CER1: variants seen among roughly 807,000 people sequenced by gnomAD.
The protein encoded by CER1 is cerberus.
Under a neutral mutation model 11.8 loss-of-function variants are expected in CER1, and 10 were observed. That is an observed-to-expected ratio of 0.85 (90% CI 0.52 to 1.44). The LOEUF (loss-of-function observed/expected upper bound fraction) is 1.44, where lower values mean the gene tolerates loss of function less well. Among genes scored for constraint, CER1 ranks in the 40% most tolerant of loss-of-function variants. The pLI is 0.00. For synonymous variants in CER1, 141 were observed against 122.3 expected (o/e 1.15, Z -1.01); for missense variants, 431 against 327.0 (o/e 1.32, Z -2.45).
chr9:14,719,561 GCCTT>G (rs1229695964), downstream of CER1, among the ~76,000 whole-genome samples: 564 of 62,426 alleles, frequency 9.0e-3, 2 homozygotes, highest in Admixed American at 0.013. Flanking sequence ...CTGCCTGCCT[GCCTT>G]CCTTCCTTCC....
At chr9:14,718,366 C>T (rs1316102811), downstream of CER1, among the ~76,000 whole-genome samples, 2 of 152,114 alleles carry the variant, frequency 1.3e-5, no homozygotes, top group Non-Finnish European at 2.9e-5. Flanking sequence ...ATATATTGAC[C>T]AGCTGAGATA....
At chr9:14,718,448 G>C (rs765773486), downstream of CER1, among the ~76,000 whole-genome samples, 1 of 152,098 alleles carries the variant, frequency 6.6e-6, no homozygotes, top group Non-Finnish European at 1.5e-5. Flanking sequence ...CCACCAAAGG[G>C]TATGATAATA....
At chr9:14,718,760 AC>A, downstream of CER1, among the ~76,000 whole-genome samples, 1 of 152,284 alleles carries the variant, frequency 6.6e-6, no homozygotes. Context: ...GCAGTTCTGT[AC>A]CATATATGTG....
Position 14,722,566 on chromosome 9 carries a change from G to A in CER1, c.107C>T (p.Pro36Leu), listed in dbSNP as rs755427504. ...TGTGGGAAGCTCTCTTTGATTCCTT[G>A]GCAGGAGTACGGGGGAAAGAGAACT... ...NQSSLSPVLL[P>L]RNQRELPTGN... Residue 36 changes from proline (P) to leucine (L), a missense_variant, in exon 1 of 2, where the codon CCA becomes CTA. Physicochemically the swap from Pro to Leu is moderately conservative, Grantham distance 98. Coordinates refer to ENST00000380911, the MANE Select transcript of CER1 (RefSeq NM_005454.3). 8.7e-6 allele frequency: 14 copies of A among 1,613,838 alleles called. No individual in the cohort carries two copies. The South Asian group carries it at 1.4e-4, about 16-fold the overall frequency.
At chr9:14,717,944 A>G (rs1839958239), downstream of CER1, among the ~76,000 whole-genome samples, 1 of 152,220 alleles carries the variant, frequency 6.6e-6, no homozygotes, top group Admixed American at 6.5e-5. Flanking sequence ...TGTAAAAGAC[A>G]GCACAGTATC....
rs1179672698 is a variant in CER1, at chr9:14,722,442, C to A, written c.231G>T (p.Glu77Asp). The change falls in exon 1 of 2, where the codon GAG becomes GAT. Residue 77 changes from glutamate (E) to aspartate (D), a missense_variant. By Grantham distance (45) the Glu-to-Asp change is conservative (BLOSUM62 2). Coordinates refer to ENST00000380911, the MANE Select transcript of CER1 (RefSeq NM_005454.3). The part of the protein sequence containing the change: ...SPAGEGQRQR[E>D]KMLSRFGRFW... ...ACCTGCCAAATCTGGACAGCATCTTCTCTCTCTGCCTCTGGCCTTCCCCTG... is the reference window on the plus strand; with the variant it reads ...ACCTGCCAAATCTGGACAGCATCTTATCTCTCTGCCTCTGGCCTTCCCCTG... 1.2e-6 allele frequency: 2 copies of A among 1,614,110 alleles called. No homozygotes were observed. Among genetic ancestry groups the A allele is most frequent in the Admixed American group, 3.3e-5 (2 of 60,010 alleles).
chr9:14,718,296 T>C (rs1839961175), downstream of CER1, among the ~76,000 whole-genome samples: 1 of 152,212 alleles, frequency 6.6e-6, no homozygotes, highest in South Asian at 2.1e-4. Flanking sequence ...AGATAGGTTT[T>C]CATAATCAGG....
In CER1 at chr9:14,720,337, C is replaced by A. The variant is rs1217424534; in HGVS notation, c.557G>T (p.Cys186Phe). The A allele has an allele frequency of 6.2e-7, 1 of 1,613,874 alleles. No individual in the cohort carries two copies. Among genetic ancestry groups the A allele is most frequent in the Admixed American group, 1.7e-5 (1 of 60,030 alleles). Residue 186 changes from cysteine to phenylalanine, a missense_variant, in exon 2 of 2, where the codon TGC becomes TTC. Cys to Phe is a radical substitution (Grantham distance 205). Coordinates refer to ENST00000380911, the MANE Select transcript of CER1 (RefSeq NM_005454.3). ...ATGAACAGACCCGCATTTCCCAAAG[C>A]AAAGGTTGTTCTGAACAACTACTTT... ...CEKVVVQNNL[C>F]FGKCGSVHFP...
At chr9:14,719,549 GCCTGCCTGCCTGCCTT>G (rs1309143742), downstream of CER1, among the ~76,000 whole-genome samples, 52 of 78,346 alleles carry the variant, frequency 6.6e-4, no homozygotes, top group African/African-American at 1.7e-3. Context: ...CTGCCTGCCT[GCCTGCCTGCCTGCCTT>G]CCTTCCTTCC....
Position 14,720,032 on chromosome 9 carries a change from T to A in CER1, c.*58A>T. On this transcript the variant is annotated 3_prime_UTR_variant, in exon 2 of 2. Transcript: ENST00000380911. Reference sequence around the variant, plus strand: ...ACCCACTTAACATTTTCAGACTGAATAATCAGCATCTTTGCTGTTGTGGTT... The same window carrying A: ...ACCCACTTAACATTTTCAGACTGAAAAATCAGCATCTTTGCTGTTGTGGTT... 6.5e-7 allele frequency: 1 copy of A among 1,528,338 alleles called. No individual in the cohort carries two copies. Among genetic ancestry groups the A allele is most frequent in the Non-Finnish European group, 9.0e-7 (1 of 1,107,746 alleles). The allele number at this position is 1,528,338 out of a possible 1,614,324, so 94.7% of individuals were successfully genotyped here.
chr9:14,720,297 C>T lies in CER1; in HGVS notation c.597G>A (p.Ala199=), dbSNP rs527955982. 21 of 1,614,066 alleles carry T rather than the reference C, an allele frequency of 1.3e-5. No homozygotes were observed. In the East Asian group the frequency reaches 3.3e-4, roughly 26 times the overall value. Residue 199 remains alanine (A), a synonymous_variant, in exon 2 of 2, where the codon GCG becomes GCA. Coordinates refer to ENST00000380911, the MANE Select transcript of CER1 (RefSeq NM_005454.3). ...KCGSVHFPGA[A]QHSHTSCSHC... ...GAGAGCAGGAGGTATGGGAGTGCTG[C>T]GCGGCTCCAGGAAAATGAACAGACC...
In CER1 at chr9:14,720,182, C is replaced by T; in HGVS notation, c.712G>A (p.Glu238Lys). Residue 238 changes from glutamate to lysine, a missense_variant, in exon 2 of 2, where the codon GAG (glutamate) becomes AAG (lysine). By Grantham distance (56) the Glu-to-Lys change is moderately conservative (BLOSUM62 1). Transcript: ENST00000380911. Reference protein sequence around the residue: ...SVIKVVMLVEECQCKVKTEHE... With the variant: ...SVIKVVMLVEKCQCKVKTEHE... ...TCCGTCTTCACCTTGCACTGGCACT[C>T]CTCCACCAGCATCACCACCTTGATC... 1 of 1,614,176 alleles carries T rather than the reference C, an allele frequency of 6.2e-7. No individual in the cohort carries two copies. Among genetic ancestry groups the T allele is most frequent in the African/African-American group, 1.3e-5 (1 of 75,046 alleles).
At chr9:14,721,431 G>T (rs1840010906) in intron 1 of CER1, among the ~76,000 whole-genome samples, 1 of 152,234 alleles carries the variant, frequency 6.6e-6, no homozygotes, top group African/African-American at 2.4e-5. Flanking sequence ...ACATGAATCA[G>T]GAGAAAGGTA....
chr9:14,719,104 A>G (rs60325671), downstream of CER1, among the ~76,000 whole-genome samples: 2,575 of 152,316 alleles, frequency 0.017, 75 homozygotes, highest in African/African-American at 0.058. Flanking sequence ...TCAAACATAG[A>G]AACCTTACTA....
chr9:14,718,195 G>C (rs995949802), downstream of CER1, among the ~76,000 whole-genome samples: 11 of 152,184 alleles, frequency 7.2e-5, no homozygotes, highest in African/African-American at 2.7e-4. Flanking sequence ...ACAGATCATT[G>C]TTTGGGGTTT....
rs3819004 is a variant in CER1, at chr9:14,720,059, T to C, written c.*31A>G. The stretch of plus-strand genomic sequence containing the variant: ...ATCAGCATCTTTGCTGTTGTGGTTT[T>C]GCTTTTCAAAGGTAATAGTGGGATA... On this transcript the variant is annotated 3_prime_UTR_variant, in exon 2 of 2. Transcript: ENST00000380911. The C allele has an allele frequency of 0.019, 29,739 of 1,595,276 alleles. 419 individuals are homozygous for C. The highest frequency in any genetic ancestry group is 0.064 in the East Asian group (2,825 of 44,350).
At chr9:14,720,622 TA>T (rs1370637031) in intron 1 of CER1, among the ~76,000 whole-genome samples, 2 of 152,172 alleles carry the variant, frequency 1.3e-5, no homozygotes, top group African/African-American at 2.4e-5. Context: ...TAAGTTAACA[TA>T]AAAAATATTT....
downstream of CER1, among the ~76,000 whole-genome samples, chr9:14,719,572 T>TTCCTTCCC (rs1179358702): frequency 1.1e-4 from 11 of 102,776 alleles, no homozygotes; most frequent in African/African-American, 5.7e-4. Context: ...CCTTCCTTCC[T>TTCCTTCCC]TCCTTCCTTC....
Position 14,722,419 on chromosome 9 carries a change from C to T in CER1, c.254G>A (p.Arg85Lys), listed in dbSNP as rs1351403610. The T allele has an allele frequency of 6.2e-6, 10 of 1,614,086 alleles. No homozygotes were observed. Among genetic ancestry groups the T allele is most frequent in the Non-Finnish European group, 7.6e-6 (9 of 1,180,044 alleles). Residue 85 changes from arginine (R) to lysine (K), a missense_variant, in exon 1 of 2, where the codon AGG becomes AAG. Physicochemically the swap from Arg to Lys is conservative, Grantham distance 26 (BLOSUM62 2). Transcript: ENST00000380911. ...TTCTCTCTCAGGCTTCTTCCAGAAC[C>T]TGCCAAATCTGGACAGCATCTTCTC... ...QREKMLSRFG[R>K]FWKKPEREMH...
Sources: allele counts gnomAD v4.1 joint callset (sites outside exome capture counted in the v4.1 genomes callset), GRCh38; gene constraint gnomAD v4.1.1; transcripts MANE v1.5; gene names NCBI Gene and HGNC (gene_info 2026-07-23, HGNC 2026-07-21).